ESRRG: variants seen among roughly 807,000 people sequenced by gnomAD.
The protein encoded by ESRRG is estrogen related receptor gamma.
In ESRRG, 13 loss-of-function variants were observed where a neutral mutation model predicts 44.0. The ratio of observed to expected loss-of-function variants is 0.30; its 90% CI spans 0.19 to 0.47. ESRRG has a LOEUF of 0.47. Among genes scored for constraint, ESRRG ranks in the 20% least tolerant of loss-of-function variants. ESRRG has a pLI of 1.00. For missense variants in ESRRG, 395 were observed against 580.6 expected (o/e 0.68, Z 3.29); for synonymous variants, 215 against 214.6 (o/e 1.00, Z -0.02).
chr1:216,772,531 C>T (rs1576377201), intron 2 of ESRRG, among the ~76,000 whole-genome samples: 1 of 152,104 alleles, frequency 6.6e-6, no homozygotes, highest in Non-Finnish European at 1.5e-5. Context: ...ACTGATGTAC[C>T]TAAGCTGCTT....
chr1:216,634,657 G>A (rs531340480), intron 3 of ESRRG, among the ~76,000 whole-genome samples: 10 of 152,264 alleles, frequency 6.6e-5, no homozygotes, highest in South Asian at 4.1e-4. Flanking sequence ...CAGGCAGTGC[G>A]TCCACCCAGC....
chr1:216,639,466 C>T (rs1048565206), intron 3 of ESRRG, among the ~76,000 whole-genome samples: 3 of 152,116 alleles, frequency 2.0e-5, no homozygotes, highest in African/African-American at 4.8e-5. Context: ...CCAGGGAAAA[C>T]GGACTTGACC....
At chr1:216,877,804 G>T (rs955683948) in intron 2 of ESRRG, among the ~76,000 whole-genome samples, 1 of 152,104 alleles carries the variant, frequency 6.6e-6, no homozygotes, top group African/African-American at 2.4e-5. Flanking sequence ...TCAGCACTAT[G>T]CTTTACAGAT....
At position 216,718,267 on chromosome 1, in the gene ESRRG, C is replaced by A. The variant is rs76661247; in HGVS notation, c.56+4977G>T. 6.7e-3 allele frequency among the ~76,000 whole-genome samples: 1,017 copies of A among 151,982 alleles called. 10 individuals carry two copies. Among genetic ancestry groups the A allele is most frequent in the African/African-American group, 0.023 (959 of 41,516 alleles). The stretch of plus-strand genomic sequence containing the variant: ...TTTATTATATAAATGTACATGAATA[C>A]TTTTAGCAGCATACCTATAATCTAC... On this transcript the variant is annotated intron_variant, in intron 1 of 6. Transcript: ENST00000408911.
intron 2 of ESRRG, among the ~76,000 whole-genome samples, chr1:216,921,949 A>G (rs1309498830): frequency 6.6e-6 from 1 of 152,178 alleles, no homozygotes; most frequent in African/African-American, 2.4e-5. Flanking sequence ...CTTAATAATG[A>G]CAGCTACTAG....
chr1:216,614,055 C>A (rs943351395), intron 3 of ESRRG, among the ~76,000 whole-genome samples: 4 of 152,192 alleles, frequency 2.6e-5, no homozygotes, highest in African/African-American at 9.7e-5. Flanking sequence ...CCCTGCTTTA[C>A]AAAAACACAC....
intron 5 of ESRRG, among the ~76,000 whole-genome samples, chr1:216,551,407 A>C (rs745576633): frequency 1.2e-4 from 18 of 152,174 alleles, no homozygotes; most frequent in Non-Finnish European, 2.1e-4. Context: ...TGTCTCAAAA[A>C]ATATCCTAGT....
chr1:217,004,507 A>G (rs986519653), intron 1 of ESRRG, among the ~76,000 whole-genome samples: 2 of 152,058 alleles, frequency 1.3e-5, no homozygotes, highest in East Asian at 1.9e-4. Context: ...GCCGTGTAGT[A>G]CTGTCAGTCC....
chr1:216,877,231 A>C (rs561187116), intron 2 of ESRRG, among the ~76,000 whole-genome samples: 56 of 151,922 alleles, frequency 3.7e-4, no homozygotes, highest in African/African-American at 1.3e-3. Flanking sequence ...CTAACCCACC[A>C]CCTGTACCAT....
At chr1:217,014,148 T>A (rs1458397946) in intron 1 of ESRRG, among the ~76,000 whole-genome samples, 2 of 152,098 alleles carry the variant, frequency 1.3e-5, no homozygotes, top group African/African-American at 4.8e-5. Flanking sequence ...GTTCTTATTT[T>A]AATTTATTTT....
At chr1:216,600,650 T>C (rs56929755) in intron 3 of ESRRG, among the ~76,000 whole-genome samples, 3,308 of 152,150 alleles carry the variant, frequency 0.022, 114 homozygotes, top group African/African-American at 0.075. Context: ...TTAGTTATTT[T>C]AAAAATAAAG....
At chr1:216,861,530 T>A (rs796786532) in intron 2 of ESRRG, among the ~76,000 whole-genome samples, 19 of 152,074 alleles carry the variant, frequency 1.2e-4, no homozygotes, top group African/African-American at 3.9e-4. Context: ...GCAAAAAAAA[T>A]TTTAACAGTA....
At chr1:216,514,959 T>TACACAC (rs35668576) in intron 6 of ESRRG, among the ~76,000 whole-genome samples, 35,282 of 149,098 alleles carry the variant, frequency 0.24, 4,985 homozygotes, top group East Asian at 0.45. Context: ...TTTTACTTTA[T>TACACAC]ACACACACAC....
intron 5 of ESRRG, among the ~76,000 whole-genome samples, chr1:216,540,519 C>T (rs1465575940): frequency 6.6e-6 from 1 of 151,896 alleles, no homozygotes; most frequent in African/African-American, 2.4e-5. Context: ...CTATATCAGT[C>T]AATATTATGT....
chr1:216,955,756 T>C (rs929141285), intron 1 of ESRRG, among the ~76,000 whole-genome samples: 35 of 152,280 alleles, frequency 2.3e-4, no homozygotes, highest in African/African-American at 7.9e-4. Flanking sequence ...AGCGAAATGA[T>C]ATCTCGTTAT....
intron 3 of ESRRG, among the ~76,000 whole-genome samples, chr1:216,648,510 CAAT>C (rs1490082293): frequency 1.3e-5 from 2 of 152,148 alleles, no homozygotes; most frequent in African/African-American, 4.8e-5. Flanking sequence ...CTTTCACCAA[CAAT>C]GTTTAATTAA....
At chr1:217,013,080 C>T (rs2078863434) in intron 1 of ESRRG, among the ~76,000 whole-genome samples, 1 of 152,144 alleles carries the variant, frequency 6.6e-6, no homozygotes, top group Non-Finnish European at 1.5e-5. Context: ...AGAGGATAAT[C>T]CTGGATTGGA....
At chr1:216,905,557 A>G (rs2059593602) in intron 2 of ESRRG, among the ~76,000 whole-genome samples, 1 of 152,010 alleles carries the variant, frequency 6.6e-6, no homozygotes, top group Admixed American at 6.5e-5. Context: ...TCCTCTTTGT[A>G]TACTTACGTA....
At chr1:216,572,540 T>G (rs566827665) in intron 3 of ESRRG, among the ~76,000 whole-genome samples, 2 of 152,150 alleles carry the variant, frequency 1.3e-5, no homozygotes, top group South Asian at 2.1e-4. Context: ...ATTTTCAACA[T>G]AATTCTATTT....
Sources: gnomAD v4.1 joint callset for allele counts (sites outside exome capture counted in the v4.1 genomes callset) on GRCh38, gnomAD v4.1.1 for gene constraint, MANE v1.5 for transcripts, NCBI Gene and HGNC (gene_info 2026-07-23, HGNC 2026-07-21) for gene names.